NBAS: variants seen among roughly 807,000 people sequenced by gnomAD.
The protein encoded by NBAS is NAG/BC035112 fusion.
Under a neutral mutation model 302.5 loss-of-function variants are expected in NBAS, and 219 were observed. The ratio of observed to expected loss-of-function variants is 0.72; its 90% confidence interval spans 0.65 to 0.81. The LOEUF (loss-of-function observed/expected upper bound fraction) is 0.81. Ranked by LOEUF, NBAS falls within the 30% of genes least tolerant of loss-of-function variation. NBAS has a pLI of 0.00. For missense variants in NBAS, 2,932 were observed against 2,841.6 expected (o/e 1.03, Z -0.72); for synonymous variants, 1,118 against 1,021.6 (o/e 1.09, Z -1.80).
intron 32 of NBAS, among the ~76,000 whole-genome samples, chr2:15,365,929 A>C (rs969352093): frequency 2.0e-5 from 3 of 152,222 alleles, no homozygotes; most frequent in African/African-American, 7.2e-5. Flanking sequence ...TAGTTAAGGA[A>C]ATATGAAATG....
the NBAS span, among the ~76,000 whole-genome samples, chr2:15,065,724 G>C: frequency 1.9e-5 from 2 of 107,580 alleles, no homozygotes; most frequent in East Asian, 5.9e-4. Context: ...ACAACACATT[G>C]ATTTAAAAAA....
At chr2:14,968,309 C>T in the NBAS span, among the ~76,000 whole-genome samples, 4 of 152,072 alleles carry the variant, frequency 2.6e-5, no homozygotes, top group Admixed American at 1.3e-4. Context: ...GGCAAAGTCT[C>T]TAAATAGTCA....
intron 33 of NBAS, among the ~76,000 whole-genome samples, chr2:15,354,976 G>GT (rs1673543321): frequency 6.6e-6 from 1 of 152,174 alleles, no homozygotes; most frequent in South Asian, 2.1e-4. Context: ...TGACCCTTCA[G>GT]TTAGCCTGCT....
At chr2:14,893,618 T>A in the NBAS span, among the ~76,000 whole-genome samples, 1 of 152,210 alleles carries the variant, frequency 6.6e-6, no homozygotes, top group South Asian at 2.1e-4. Flanking sequence ...GAACCCTTCC[T>A]TCATGGACTG....
chr2:15,458,718 C>CTAA (rs1422834608), intron 21 of NBAS, among the ~76,000 whole-genome samples: 3 of 152,116 alleles, frequency 2.0e-5, no homozygotes, highest in Non-Finnish European at 4.4e-5. Context: ...CACAAACAGA[C>CTAA]TAATACAAAC....
At chr2:14,800,247 G>A in the NBAS span, among the ~76,000 whole-genome samples, 6 of 152,272 alleles carry the variant, frequency 3.9e-5, no homozygotes, top group African/African-American at 7.2e-5. Context: ...GGAGAACCTC[G>A]TGGGAGGTAA....
the NBAS span, among the ~76,000 whole-genome samples, chr2:15,152,309 T>C: frequency 7.2e-4 from 109 of 152,282 alleles, 1 homozygote; most frequent in South Asian, 0.018. Flanking sequence ...TACCCAAGAT[T>C]TTGGTCAATC....
At position 15,408,989 on chromosome 2, in the gene NBAS, C is replaced by T. The variant is rs566295197; in HGVS notation, c.2937+6557G>A. On this transcript the variant is annotated intron_variant, in intron 25 of 51. Transcript: ENST00000281513. ...AAGTTCCAGAGACCAGCCTGGGCAA[C>T]GTAGCAAGACACCATCCCTACAAAA... 4.7e-4 allele frequency among the ~76,000 whole-genome samples: 72 copies of T among 152,172 alleles called. No homozygotes were observed. In the Middle Eastern group the frequency reaches 0.01, roughly 22 times the overall value.
chr2:15,333,403 T>C (rs987491863), intron 35 of NBAS, among the ~76,000 whole-genome samples: 3 of 151,992 alleles, frequency 2.0e-5, no homozygotes, highest in East Asian at 1.9e-4. Flanking sequence ...AGAACCTCCA[T>C]TGTCAACTAG....
chr2:14,981,051 A>G, the NBAS span, among the ~76,000 whole-genome samples: 14 of 149,836 alleles, frequency 9.3e-5, no homozygotes, highest in East Asian at 2.0e-3. Context: ...TGTAAAAAAG[A>G]AAAAAATGAG....
At chr2:15,162,419 G>T (rs1011869489), downstream of NBAS, among the ~76,000 whole-genome samples, 3 of 152,168 alleles carry the variant, frequency 2.0e-5, no homozygotes, top group African/African-American at 7.2e-5. Context: ...TTCGTCTTGC[G>T]CCTGGAGGCA....
At chr2:15,214,659 T>C (rs1028009138) in intron 48 of NBAS, among the ~76,000 whole-genome samples, 1 of 152,224 alleles carries the variant, frequency 6.6e-6, no homozygotes, top group Non-Finnish European at 1.5e-5. Flanking sequence ...GTCTTAGCTT[T>C]GAAGACATTT....
At chr2:14,878,879 A>T in the NBAS span, among the ~76,000 whole-genome samples, 3 of 152,166 alleles carry the variant, frequency 2.0e-5, no homozygotes, top group African/African-American at 7.2e-5. Context: ...TTAGACAAAC[A>T]TATGATGTCA....
chr2:15,511,886 T>C (rs1200102958), intron 9 of NBAS, among the ~76,000 whole-genome samples: 2 of 152,208 alleles, frequency 1.3e-5, no homozygotes, highest in African/African-American at 4.8e-5. Context: ...CATTCATAAC[T>C]GGAGGCCAGT....
At chr2:15,098,998 C>A in the NBAS span, among the ~76,000 whole-genome samples, 2 of 151,876 alleles carry the variant, frequency 1.3e-5, no homozygotes, top group African/African-American at 2.4e-5. Flanking sequence ...CATATATACA[C>A]ACACATATAT....
intron 47 of NBAS, among the ~76,000 whole-genome samples, chr2:15,226,659 A>G (rs1439331566): frequency 6.6e-6 from 1 of 152,222 alleles, no homozygotes; most frequent in Non-Finnish European, 1.5e-5. Context: ...GAACGTGGTT[A>G]AACTGAAAAG....
intron 44 of NBAS, among the ~76,000 whole-genome samples, chr2:15,272,266 ATTTC>A (rs1461817379): frequency 1.3e-5 from 2 of 152,170 alleles, no homozygotes; most frequent in Non-Finnish European, 2.9e-5. Flanking sequence ...CTTTCCAAAA[ATTTC>A]TTTCTAAATT....
the NBAS span, among the ~76,000 whole-genome samples, chr2:15,103,741 G>A: frequency 6.6e-6 from 1 of 152,114 alleles, no homozygotes; most frequent in Non-Finnish European, 1.5e-5. Context: ...AGACAGCCTG[G>A]CACATATTCA....
the NBAS span, among the ~76,000 whole-genome samples, chr2:14,839,814 A>T: frequency 6.6e-6 from 1 of 151,966 alleles, no homozygotes; most frequent in Non-Finnish European, 1.5e-5. Flanking sequence ...AGAAGCCCAA[A>T]CAAAAGCCAG....
Sources: allele counts gnomAD v4.1 joint callset (sites outside exome capture counted in the v4.1 genomes callset), GRCh38; gene constraint gnomAD v4.1.1; transcripts MANE v1.5; gene names NCBI Gene and HGNC (gene_info 2026-07-23, HGNC 2026-07-21).